Variants in NMI observed in about 807,000 individuals in gnomAD.
NMI encodes the protein N-myc and STAT interactor, also known as N-myc-interactor.
Under a neutral mutation model 34.3 loss-of-function variants are expected in NMI, and 39 were observed. The ratio of observed to expected loss-of-function variants is 1.14; its 90% CI spans 0.88 to 1.49. NMI has a LOEUF of 1.49. NMI is among the 40% of genes most tolerant of loss of function. The pLI is 0.00. For synonymous variants in NMI, 113 were observed against 120.3 expected, an observed-to-expected ratio of 0.94 and a Z score of 0.40; for missense variants, 339 against 358.1, an observed-to-expected ratio of 0.95 and a Z score of 0.43.
At chr2:151,275,707 A>G (rs1683281963) in intron 5 of NMI, 37 bp from the exon 6 acceptor site, 1 of 1,610,370 alleles carries the variant, frequency 6.2e-7, no homozygotes, top group African/African-American at 1.3e-5. Context: ...TATGGATGAG[A>G]GAAGTGCTTG....
intron 3 of NMI, 37 bp downstream of exon 3, chr2:151,281,911 A>G (rs373377880): frequency 3.4e-5 from 35 of 1,022,852 alleles, no homozygotes; most frequent in Non-Finnish European, 5.1e-5. Flanking sequence ...CCATGCATCC[A>G]TCAAAAATGT....
Position 151,271,874 on chromosome 2 carries a change from T to C in NMI, c.635-142A>G, listed in dbSNP as rs1244284912. Reference sequence around the variant, plus strand: ...TTTTTAAGAAATTCTAAAGCCCACTTTGAAGACTTCACAGTACATAATTTT... The same window carrying C: ...TTTTTAAGAAATTCTAAAGCCCACTCTGAAGACTTCACAGTACATAATTTT... On this transcript the variant is annotated intron_variant, in intron 6 of 7. Coordinates refer to ENST00000243346, the MANE Select transcript of NMI (RefSeq NM_004688.3). 5.3e-6 allele frequency: 3 copies of C among 570,844 alleles called. No individual in the cohort carries two copies. In the African/African-American group the frequency reaches 5.7e-5, roughly 11 times the overall value. 35.4% of individuals were successfully genotyped at this position (570,844 alleles called of 1,614,324 possible). A position where few individuals can be genotyped will look rare whatever the true frequency, so the allele number is the denominator to read the frequency against.
intron 4 of NMI, chr2:151,278,491 T>C (rs1683328330): frequency 4.9e-6 from 1 of 203,220 alleles, no homozygotes; most frequent in Non-Finnish European, 1.0e-5. Flanking sequence ...TAAAATGTGA[T>C]AATGTCTCTG....
At chr2:151,286,793 C>T (rs887129999) in intron 1 of NMI, among the ~76,000 whole-genome samples, 1 of 152,190 alleles carries the variant, frequency 6.6e-6, no homozygotes, top group Non-Finnish European at 1.5e-5. Flanking sequence ...AAATCATTTA[C>T]TAACCCCCTA....
chr2:151,276,659 A>AC (rs1469513660), intron 4 of NMI, among the ~76,000 whole-genome samples: 6 of 152,198 alleles, frequency 3.9e-5, no homozygotes, highest in Admixed American at 3.9e-4. Flanking sequence ...ATTTTACTTA[A>AC]CCTTATCATT....
In NMI at chr2:151,275,683, T is replaced by C. The variant is rs891682873; in HGVS notation, c.448-13A>G. The C allele has an allele frequency of 1.2e-6, 2 of 1,613,492 alleles. No homozygotes were observed. Among genetic ancestry groups the C allele is most frequent in the South Asian group, 2.2e-5 (2 of 91,058 alleles). On this transcript the variant is annotated splice_polypyrimidine_tract_variant and intron_variant, in intron 5 of 7. Transcript: ENST00000243346. The stretch of plus-strand genomic sequence containing the variant: ...CTTCTACATAAACCTGGAAAATGAT[T>C]TGATGTTCAGAAATATGGATGAGAG...
intron 6 of NMI, 28 bp downstream of exon 6, chr2:151,275,456 T>C (rs1006166239): frequency 3.8e-6 from 6 of 1,588,052 alleles, no homozygotes; most frequent in Admixed American, 1.7e-5. Context: ...TGGCAGAGTG[T>C]CTGTTAACCT....
At position 151,282,860 on chromosome 2, in the gene NMI, CT is replaced by C. The variant is rs772108676; in HGVS notation, c.81+7del. 7 of 1,391,008 alleles carry C rather than the reference CT, an allele frequency of 5.0e-6. No individual in the cohort carries two copies. The highest frequency in any genetic ancestry group is 5.9e-6 in the Non-Finnish European group (6 of 1,012,172). 86.2% of individuals were successfully genotyped at this position (1,391,008 alleles called of 1,614,324 possible). ...ATTTTTAATAATACCCAGTAATTTC[CT>C]TTTTACCTTATTTTGTTCATCTTTT... On this transcript the variant is annotated splice_region_variant and intron_variant, in intron 2 of 7. Transcript: ENST00000243346.
Position 151,282,951 on chromosome 2 carries a change from T to C in NMI, c.-3A>G. On this transcript the variant is annotated 5_prime_UTR_variant, in exon 2 of 8. Transcript: ENST00000243346. Reference sequence around the variant, plus strand: ...GTGTCATCTTTATCAGCTTCCATGATCCCCTAATATTATAAAAAATAAATA... The same window carrying C: ...GTGTCATCTTTATCAGCTTCCATGACCCCCTAATATTATAAAAAATAAATA... 7.0e-7 allele frequency: 1 copy of C among 1,434,328 alleles called. No individual in the cohort carries two copies. Among genetic ancestry groups the C allele is most frequent in the Non-Finnish European group, 9.4e-7 (1 of 1,063,516 alleles). The allele number at this position is 1,434,328 out of a possible 1,614,324, so 88.9% of individuals were successfully genotyped here.
At chr2:151,288,555 GTGTA>G (rs1462355233) in intron 1 of NMI, among the ~76,000 whole-genome samples, 1 of 149,864 alleles carries the variant, frequency 6.7e-6, no homozygotes, top group East Asian at 1.9e-4. Context: ...ATAGTAAATT[GTGTA>G]TGTGAGTGTG....
Position 151,282,856 on chromosome 2 carries a change from T to G in NMI, c.81+12A>C. 1 of 1,350,528 alleles carries G rather than the reference T, an allele frequency of 7.4e-7. No individual in the cohort carries two copies. The highest frequency in any genetic ancestry group is 1.0e-6 in the Non-Finnish European group (1 of 975,492). 83.7% of individuals were successfully genotyped at this position (1,350,528 alleles called of 1,614,324 possible). On this transcript the variant is annotated intron_variant, in intron 2 of 7. Coordinates refer to ENST00000243346, the MANE Select transcript of NMI (RefSeq NM_004688.3). ...AATAATTTTTAATAATACCCAGTAA[T>G]TTCCTTTTTACCTTATTTTGTTCAT...
Position 151,270,840 on chromosome 2 carries a change from C to T in NMI, c.777G>A (p.Leu259=), listed in dbSNP as rs758619761. ...CCATTTGAATGCCTTCCATTCCTGT[C>T]AGAAGCACTGTCCTCTTAGATGTTC... ...FSGTSKRTVL[L]TGMEGIQMDE... The change falls in exon 8 of 8, where the codon CTG becomes CTA. Residue 259 remains leucine, a synonymous_variant. Transcript: ENST00000243346. The T allele has an allele frequency of 5.6e-6, 9 of 1,613,658 alleles. No homozygotes were observed. In the East Asian group the frequency reaches 2.0e-4, roughly 36 times the overall value.
chr2:151,283,039 T>C, intron 1 of NMI, 85 bp from the exon 2 acceptor site: 1 of 597,998 alleles, frequency 1.7e-6, no homozygotes, highest in Non-Finnish European at 2.7e-6. Context: ...TACCCTTTTA[T>C]GGAAGAAACA....
In NMI at chr2:151,271,681, G is replaced by A. The variant is rs768146134; in HGVS notation, c.686C>T (p.Thr229Ile). 2.5e-6 allele frequency: 4 copies of A among 1,591,310 alleles called. No homozygotes were observed. Among genetic ancestry groups the A allele is most frequent in the South Asian group, 1.1e-5 (1 of 89,684 alleles). ...TGGAGAAACAGTAACTCTATGGCAGGTTTGATTTATATAAAGAGGGTATTC... is the reference window on the plus strand; with the variant it reads ...TGGAGAAACAGTAACTCTATGGCAGATTTGATTTATATAAAGAGGGTATTC... ...KKEYPLYINQ[T>I]CHRVTVSPYT... Residue 229 changes from threonine (T) to isoleucine (I), a missense_variant, in exon 7 of 8, where the codon ACC becomes ATC. Physicochemically the swap from Thr to Ile is moderately conservative, Grantham distance 89. Transcript: ENST00000243346.
intron 4 of NMI, 58 bp downstream of exon 4, chr2:151,278,770 A>T (rs1181589427): frequency 1.1e-5 from 15 of 1,316,024 alleles, no homozygotes; most frequent in Non-Finnish European, 1.4e-5. Flanking sequence ...GTAATAGCTA[A>T]ATGTCTATGA....
chr2:151,277,477 T>C (rs542938408), intron 4 of NMI: 1 of 152,318 alleles, frequency 6.6e-6, no homozygotes, highest in South Asian at 2.1e-4. Flanking sequence ...TCCCAGGAGA[T>C]TGGGAGCTCA....
At chr2:151,281,575 C>T (rs2105209007) in intron 3 of NMI, among the ~76,000 whole-genome samples, 1 of 152,286 alleles carries the variant, frequency 6.6e-6, no homozygotes, top group South Asian at 2.1e-4. Flanking sequence ...GTCTTACCTG[C>T]TTCCAAAATA....
chr2:151,287,855 A>G lies in NMI; in HGVS notation c.-7+1738T>C, dbSNP rs527295194. Among the ~76,000 whole-genome samples the G allele has an allele frequency of 1.2e-4, 19 of 152,306 alleles. No individual in the cohort carries two copies. In the South Asian group the frequency reaches 3.9e-3, roughly 32 times the overall value. On this transcript the variant is annotated intron_variant, in intron 1 of 7. Coordinates refer to ENST00000243346, the MANE Select transcript of NMI (RefSeq NM_004688.3). ...AATTATGTGGTATCTTGACTTAAGT[A>G]TTTGTTGTACTCAGGACATCACATG...
chr2:151,276,013 A>T (rs1022749405), intron 4 of NMI, 149 bp from the exon 5 acceptor site: 3 of 600,384 alleles, frequency 5.0e-6, no homozygotes, highest in Non-Finnish European at 8.6e-6. Context: ...GGTGATTCCA[A>T]GTGATAATGG....
Sources: gnomAD v4.1 joint callset for allele counts (sites outside exome capture counted in the v4.1 genomes callset) on GRCh38, gnomAD v4.1.1 for gene constraint, MANE v1.5 for transcripts, NCBI Gene and HGNC (gene_info 2026-07-23, HGNC 2026-07-21) for gene names.